Variants in RAB11FIP3 observed in about 807,000 individuals in gnomAD.
RAB11FIP3 encodes the protein rab11 family-interacting protein 3.
Under a neutral mutation model 77.8 loss-of-function variants are expected in RAB11FIP3, and 17 were observed. The ratio of observed to expected loss-of-function variants is 0.22; its 90% CI spans 0.15 to 0.33. The LOEUF is 0.33. Among genes scored for constraint, RAB11FIP3 ranks in the 10% least tolerant of loss-of-function variants. The pLI is 1.00. For missense variants in RAB11FIP3, 1,005 were observed against 1,011.2 expected (o/e 0.99, Z 0.08); for synonymous variants, 437 against 448.2 (o/e 0.98, Z 0.31).
chr16:432,603 TGTGTG>T (rs2055056074), intron 1 of RAB11FIP3, among the ~76,000 whole-genome samples: 1 of 137,554 alleles, frequency 7.3e-6, no homozygotes, highest in African/African-American at 2.8e-5. Context: ...TTTTTTTTTT[TGTGTG>T]TGTGTGTGTG....
Position 520,151 on chromosome 16 carries a change from G to T in RAB11FIP3, c.1890G>T (p.Glu630Asp). The change falls in exon 12 of 14, where the codon GAG becomes GAT. Residue 630 changes from glutamate to aspartate, a missense_variant. Glu to Asp is a conservative substitution (Grantham distance 45). This residue lies in a region of RAB11FIP3 where 433 missense variants were observed against 436.1 expected (regional missense o/e 0.99). Transcript: ENST00000262305. ...ELIEDLRKQL[E>D]HLQLLKLEAE... is the part of the protein sequence containing the mutation. ...TCGAGGACCTCCGAAAGCAGCTGGA[G>T]CACCTGCAGCTCCTCAAGCTGGAGG... 6.5e-7 allele frequency: 1 copy of T among 1,546,318 alleles called. No homozygotes were observed. Among genetic ancestry groups the T allele is most frequent in the Non-Finnish European group, 8.7e-7 (1 of 1,147,810 alleles).
intron 6 of RAB11FIP3, among the ~76,000 whole-genome samples, chr16:502,356 G>A (rs965459074): frequency 1.6e-4 from 24 of 152,246 alleles, no homozygotes; most frequent in African/African-American, 3.1e-4. Flanking sequence ...AGCCTGGCCC[G>A]GGTAGTAACT....
At chr16:492,387 GAGCCCTCCCCGGGAGACCCGA>G (rs2030432528) in intron 5 of RAB11FIP3, among the ~76,000 whole-genome samples, 1 of 143,370 alleles carries the variant, frequency 7.0e-6, no homozygotes, top group East Asian at 2.0e-4. Context: ...AGGCCGCCCA[GAGCCCTCCCCGGGAGACCCGA>G]GGCCGCCCAG....
At chr16:447,249 G>T (rs2055332041) in intron 1 of RAB11FIP3, among the ~76,000 whole-genome samples, 2 of 152,108 alleles carry the variant, frequency 1.3e-5, no homozygotes, top group South Asian at 4.1e-4. Context: ...AGGCTTCAGT[G>T]AGCTATGATT....
chr16:520,094 C>G lies in RAB11FIP3; in HGVS notation c.1861-28C>G, dbSNP rs754379043. The G allele has an allele frequency of 1.0e-5, 16 of 1,541,792 alleles. No individual in the cohort carries two copies. The South Asian group carries it at 1.8e-4, about 17-fold the overall frequency. ...CGGTGGCCCCTGGGAGCCCAGGCCC[C>G]CCGGCTCACTGCACGGTTGCCCTGC... On this transcript the variant is annotated intron_variant, in intron 11 of 13. Transcript: ENST00000262305.
intron 8 of RAB11FIP3, among the ~76,000 whole-genome samples, chr16:509,312 G>A (rs57649512): frequency 0.014 from 2,138 of 152,354 alleles, 49 homozygotes; most frequent in African/African-American, 0.049. Flanking sequence ...CTCTCTGCTC[G>A]CGGAGGCCGC....
chr16:491,005 C>A, intron 5 of RAB11FIP3: 1 of 843,220 alleles, frequency 1.2e-6, no homozygotes, highest in African/African-American at 1.8e-5. Flanking sequence ...CATTGCACAG[C>A]TCATTCTCTC....
At chr16:469,843 T>A (rs2055778149) in intron 2 of RAB11FIP3, among the ~76,000 whole-genome samples, 2 of 151,510 alleles carry the variant, frequency 1.3e-5, no homozygotes, top group Admixed American at 6.6e-5. Flanking sequence ...TCTTTTTTCT[T>A]CGAGACAGGG....
intron 11 of RAB11FIP3, 99 bp downstream of exon 11, chr16:519,990 G>C (rs2032603178): frequency 1.3e-6 from 2 of 1,518,066 alleles, no homozygotes; most frequent in Admixed American, 2.0e-5. Context: ...TGCTGCTTTG[G>C]GCATAGCCGC....
rs1220034343 is a variant in RAB11FIP3, at chr16:471,053, C to T, written c.809-242C>T. Among the ~76,000 whole-genome samples, 1 of 151,866 alleles carries T rather than the reference C, an allele frequency of 6.6e-6. No individual in the cohort carries two copies. Among genetic ancestry groups the T allele is most frequent in the Non-Finnish European group, 1.5e-5 (1 of 67,988 alleles). ...ATCTCCTACCTCTGCATCTCCTCCT[C>T]AGAATTCTCTCCAGAAGCCTTGTTC... is the stretch of plus-strand genomic sequence containing the variant. On this transcript the variant is annotated intron_variant, in intron 2 of 13. Transcript: ENST00000262305. This position sits in a 1 kb window ranked among gnomAD's most constrained non-coding sequence, Gnocchi z 4.4.
chr16:447,595 G>A (rs1408703190), intron 1 of RAB11FIP3, among the ~76,000 whole-genome samples: 3 of 152,122 alleles, frequency 2.0e-5, no homozygotes, highest in South Asian at 2.1e-4. Context: ...AAAATTAGCC[G>A]GGCGTGGTGG....
Position 471,637 on chromosome 16 carries a change from G to C in RAB11FIP3, c.903+248G>C, listed in dbSNP as rs547697852. On this transcript the variant is annotated intron_variant, in intron 3 of 13. Coordinates refer to ENST00000262305, the MANE Select transcript of RAB11FIP3 (RefSeq NM_014700.4). This position sits in a 1 kb window ranked among gnomAD's most constrained non-coding sequence, Gnocchi z 4.4. ...GGCCTGTCGCCAGCAGAAGTGGGGT[G>C]GGCAGTGATGTCATGACCACCCGCT... Among the ~76,000 whole-genome samples the C allele has an allele frequency of 2.8e-3, 426 of 152,308 alleles. 3 individuals are homozygous for C. The highest frequency in any genetic ancestry group is 3.4e-3 in the Non-Finnish European group (234 of 68,022).
At chr16:470,892 T>G (rs1401502636) in intron 2 of RAB11FIP3, among the ~76,000 whole-genome samples, 3 of 152,164 alleles carry the variant, frequency 2.0e-5, no homozygotes, top group Non-Finnish European at 4.4e-5. Flanking sequence ...CACCTTCTCA[T>G]GTAAATGTTT....
At chr16:431,254 G>C (rs575568944) in intron 1 of RAB11FIP3, among the ~76,000 whole-genome samples, 153 of 152,168 alleles carry the variant, frequency 1.0e-3, no homozygotes, top group Admixed American at 4.7e-3. Context: ...ATGTATTCTG[G>C]GTCTACATGC....
chr16:488,742 G>A, intron 4 of RAB11FIP3, 109 bp from the exon 5 acceptor site: 1 of 1,029,176 alleles, frequency 9.7e-7, no homozygotes, highest in Non-Finnish European at 1.3e-6. Flanking sequence ...TGGCTCCCAG[G>A]ACTCACGTGT....
chr16:432,823 C>G (rs1489769061), intron 1 of RAB11FIP3, among the ~76,000 whole-genome samples: 1 of 151,550 alleles, frequency 6.6e-6, no homozygotes, highest in African/African-American at 2.4e-5. Flanking sequence ...CCAGGCTGGT[C>G]TCAAACTCTT....
intron 1 of RAB11FIP3, among the ~76,000 whole-genome samples, chr16:450,667 C>G (rs966813050): frequency 1.3e-5 from 2 of 152,060 alleles, no homozygotes; most frequent in Admixed American, 6.6e-5. Flanking sequence ...AGGGAAGGGA[C>G]CGAGGATCTG....
chr16:459,856 T>TA lies in RAB11FIP3; in HGVS notation c.715-1539dup, dbSNP rs907093999. 2.3e-4 allele frequency among the ~76,000 whole-genome samples: 35 copies of TA among 149,358 alleles called. No individual in the cohort carries two copies. In the East Asian group the frequency reaches 5.9e-3, roughly 25 times the overall value. On this transcript the variant is annotated intron_variant, in intron 1 of 13. Transcript: ENST00000262305. ...TTTCTATTTAAGTTTTTTGCCCACT[T>TA]AAAAAAAAATTGAGTTGTCTTTTTT...
At chr16:491,587 A>G (rs1289900315) in intron 5 of RAB11FIP3, among the ~76,000 whole-genome samples, 1 of 152,202 alleles carries the variant, frequency 6.6e-6, no homozygotes, top group Admixed American at 6.5e-5. Flanking sequence ...AGCTCATGAG[A>G]CAGAATTGGG....
Sources: gnomAD v4.1 joint callset for allele counts (sites outside exome capture counted in the v4.1 genomes callset) on GRCh38, gnomAD v4.1.1 for gene constraint, gnomAD v4.1.1 regional missense constraint, Gnocchi (gnomAD v3.1) non-coding constraint, MANE v1.5 for transcripts, NCBI Gene and HGNC (gene_info 2026-07-23, HGNC 2026-07-21) for gene names.